The following EMP1 variants were observed in gnomAD, a reference collection of about 807,000 sequenced individuals.
The protein encoded by EMP1 is tumor-associated membrane protein.
In EMP1, 5 loss-of-function variants were observed where a neutral mutation model predicts 15.7. The ratio of observed to expected loss-of-function variants is 0.32; its 90% CI spans 0.17 to 0.67. The LOEUF (loss-of-function observed/expected upper bound fraction) is 0.67. Among genes scored for constraint, EMP1 ranks in the 30% least tolerant of loss-of-function variants. EMP1 has a pLI of 0.74. For missense variants in EMP1, 166 were observed against 194.2 expected, an observed-to-expected ratio of 0.85 and a Z score of 0.86; for synonymous variants, 78 against 76.7, an observed-to-expected ratio of 1.02 and a Z score of -0.09.
rs76165030 is a variant in EMP1, at chr12:13,208,353, A to C, written c.-42-3116A>C. ...GACATTTACCCATTAGTTACCACTA[A>C]TGGCTTTTTCATAAAGACCTCAGTG... On this transcript the variant is annotated intron_variant, in intron 1 of 4. Transcript: ENST00000256951. 2.6e-3 allele frequency among the ~76,000 whole-genome samples: 403 copies of C among 152,268 alleles called. 8 individuals carry two copies. The highest frequency in any genetic ancestry group is 1.2e-3 in the Non-Finnish European group (82 of 68,016).
rs1396404945 is a variant in EMP1, at chr12:13,217,746, T to A, written c.*3055T>A. On this transcript the variant is annotated 3_prime_UTR_variant, in exon 5 of 5. Transcript: ENST00000256951. Reference sequence around the variant, plus strand: ...TCTCCTCAAAAGCCTGGATGGTGAATGGGGGTGCATTAGTCAGAATTCTCC... The same window carrying A: ...TCTCCTCAAAAGCCTGGATGGTGAAAGGGGGTGCATTAGTCAGAATTCTCC... The A allele has an allele frequency of 6.6e-6, 1 of 152,140 alleles. No homozygotes were observed. Among genetic ancestry groups the A allele is most frequent in the Non-Finnish European group, 1.5e-5 (1 of 68,038 alleles). The allele number at this position is 152,140 out of a possible 1,614,324, so 9.4% of individuals were successfully genotyped here. A position where few individuals can be genotyped will look rare whatever the true frequency, so the allele number is the denominator to read the frequency against.
chr12:13,199,425 C>A (rs964395351), intron 1 of EMP1: 1 of 152,266 alleles, frequency 6.6e-6, no homozygotes, highest in Non-Finnish European at 1.5e-5. Flanking sequence ...GAGAGAGACA[C>A]GTTGAAGACC....
chr12:13,213,298 C>A (rs987629133), intron 2 of EMP1, 181 bp from the exon 3 acceptor site: 1 of 623,128 alleles, frequency 1.6e-6, no homozygotes, highest in Non-Finnish European at 2.8e-6. Context: ...CTCTTGGCAA[C>A]TTTGTGAACT....
rs1428474302 is a variant in EMP1, at chr12:13,217,415, A to G, written c.*2724A>G. 6.6e-6 allele frequency: 1 copy of G among 152,244 alleles called. No individual in the cohort carries two copies. The highest frequency in any genetic ancestry group is 2.4e-5 in the African/African-American group (1 of 41,458). 9.4% of individuals were successfully genotyped at this position (152,244 alleles called of 1,614,324 possible). A position where few individuals can be genotyped will look rare whatever the true frequency, so the allele number is the denominator to read the frequency against. On this transcript the variant is annotated 3_prime_UTR_variant, in exon 5 of 5. Transcript: ENST00000256951. ...AATAGTTGCACAGAGTATTGCACCA[A>G]AAATACACAATGGAGGCTGAAAAGT...
At position 13,211,475 on chromosome 12, in the gene EMP1, CTT is replaced by C. The variant is rs1864163720; in HGVS notation, c.-34_-33del. 6.2e-7 allele frequency: 1 copy of C among 1,606,128 alleles called. No individual in the cohort carries two copies. Among genetic ancestry groups the C allele is most frequent in the African/African-American group, 1.3e-5 (1 of 74,382 alleles). The stretch of plus-strand genomic sequence containing the variant: ...CCTTTCTTTTTCTTTTCAGAACTCT[CTT>C]TGCTCACAAGTTACCAAAAAAAAAA... On this transcript the variant is annotated 5_prime_UTR_variant, in exon 2 of 5. Transcript: ENST00000256951. This position sits in a 1 kb window ranked among gnomAD's most constrained non-coding sequence, Gnocchi z 4.7.
intron 1 of EMP1, among the ~76,000 whole-genome samples, chr12:13,205,912 G>A (rs539824293): frequency 1.7e-4 from 26 of 152,316 alleles, no homozygotes; most frequent in South Asian, 1.0e-3. Context: ...CTTGAGGTGC[G>A]TGGAGCCTCT....
chr12:13,200,156 C>T (rs1281698677), intron 1 of EMP1, among the ~76,000 whole-genome samples: 1 of 152,112 alleles, frequency 6.6e-6, no homozygotes, highest in Non-Finnish European at 1.5e-5. Flanking sequence ...AAGCTCAGGC[C>T]TATTTGGGAC....
chr12:13,206,014 G>A (rs1864108060), intron 1 of EMP1, among the ~76,000 whole-genome samples: 1 of 152,164 alleles, frequency 6.6e-6, no homozygotes, highest in African/African-American at 2.4e-5. Flanking sequence ...CAGGGTAGAA[G>A]ATATGTTAGA....
Position 13,214,956 on chromosome 12 carries a change from A to C in EMP1, c.*265A>C. On this transcript the variant is annotated 3_prime_UTR_variant, in exon 5 of 5. Transcript: ENST00000256951. ...CCTGCAGCCACCAGACTTGGCCTCCAGCTGTTCTTAGTGACACACACTGTC... is the reference window on the plus strand; with the variant it reads ...CCTGCAGCCACCAGACTTGGCCTCCCGCTGTTCTTAGTGACACACACTGTC... 2.5e-6 allele frequency: 1 copy of C among 407,422 alleles called. No homozygotes were observed. Among genetic ancestry groups the C allele is most frequent in the Admixed American group, 3.6e-5 (1 of 27,428 alleles). The allele number at this position is 407,422 out of a possible 1,614,324, so 25.2% of individuals were successfully genotyped here. A position where few individuals can be genotyped will look rare whatever the true frequency, so the allele number is the denominator to read the frequency against.
At chr12:13,210,531 A>G (rs1433393729) in intron 1 of EMP1, among the ~76,000 whole-genome samples, 2 of 152,190 alleles carry the variant, frequency 1.3e-5, no homozygotes, top group Non-Finnish European at 2.9e-5. Context: ...TTGTTTATCC[A>G]TGCACATTCT....
At position 13,216,513 on chromosome 12, in the gene EMP1, T is replaced by A. The variant is rs1465692903; in HGVS notation, c.*1822T>A. ...GCTGTCTTAGTGCAAAAAACATACT[T>A]ACATTTCAGACATATCCAAAGGGAA... On this transcript the variant is annotated 3_prime_UTR_variant, in exon 5 of 5. Coordinates refer to ENST00000256951, the MANE Select transcript of EMP1 (RefSeq NM_001423.3). 6 of 699,628 alleles carry A rather than the reference T, an allele frequency of 8.6e-6. No individual in the cohort carries two copies. In the Admixed American group the frequency reaches 1.2e-4, roughly 14 times the overall value. The allele number at this position is 699,628 out of a possible 1,614,324, so 43.3% of individuals were successfully genotyped here.
chr12:13,207,373 T>A (rs1214242681), intron 1 of EMP1, among the ~76,000 whole-genome samples: 1 of 152,182 alleles, frequency 6.6e-6, no homozygotes, highest in African/African-American at 2.4e-5. Context: ...TATTAGCTAT[T>A]CTGTTAGCTA....
chr12:13,203,265 T>C (rs538903461), intron 1 of EMP1, among the ~76,000 whole-genome samples: 1 of 152,208 alleles, frequency 6.6e-6, no homozygotes, highest in Non-Finnish European at 1.5e-5. Context: ...TTGAAGACAT[T>C]CTGGCTGCCA....
At position 13,211,843 on chromosome 12, in the gene EMP1, T is replaced by G; in HGVS notation, c.78+255T>G. Reference sequence around the variant, plus strand: ...AGGATCTAGTGCAGCTTCTTCGGTCTCTAGAAGAGCCTTCCCAGCAGCAGG... The same window carrying G: ...AGGATCTAGTGCAGCTTCTTCGGTCGCTAGAAGAGCCTTCCCAGCAGCAGG... On this transcript the variant is annotated intron_variant, in intron 2 of 4. Transcript: ENST00000256951. The surrounding 1 kb of genome is among the most constrained non-coding windows in gnomAD (Gnocchi z 4.7). The G allele has an allele frequency of 2.1e-6, 1 of 481,328 alleles. No homozygotes were observed. Among genetic ancestry groups the G allele is most frequent in the Non-Finnish European group, 3.7e-6 (1 of 269,844 alleles). The allele number at this position is 481,328 out of a possible 1,614,324, so 29.8% of individuals were successfully genotyped here.
At chr12:13,207,275 C>T (rs553620148) in intron 1 of EMP1, among the ~76,000 whole-genome samples, 1 of 152,092 alleles carries the variant, frequency 6.6e-6, no homozygotes, top group African/African-American at 2.4e-5. Flanking sequence ...CCACGCCCGG[C>T]TAATTTCTTG....
chr12:13,210,537 A>G (rs183232001), intron 1 of EMP1, among the ~76,000 whole-genome samples: 1 of 152,288 alleles, frequency 6.6e-6, no homozygotes, highest in East Asian at 1.9e-4. Flanking sequence ...ATCCATGCAC[A>G]TTCTTAATCG....
Position 13,216,409 on chromosome 12 carries a change from G to C in EMP1, c.*1718G>C. 1 of 702,462 alleles carries C rather than the reference G, an allele frequency of 1.4e-6. No homozygotes were observed. Among genetic ancestry groups the C allele is most frequent in the South Asian group, 1.5e-5 (1 of 67,580 alleles). 43.5% of individuals were successfully genotyped at this position (702,462 alleles called of 1,614,324 possible). A position where few individuals can be genotyped will look rare whatever the true frequency, so the allele number is the denominator to read the frequency against. ...CAAGCCACCAAATTACCTAGGCTGA[G>C]GTTAGAGAGATTGGCCAGCAAAAAC... is the stretch of plus-strand genomic sequence containing the variant. On this transcript the variant is annotated 3_prime_UTR_variant, in exon 5 of 5. Transcript: ENST00000256951.
chr12:13,206,927 TTG>T (rs58176335), intron 1 of EMP1, among the ~76,000 whole-genome samples: 6,244 of 149,080 alleles, frequency 0.042, 135 homozygotes, highest in Middle Eastern at 0.059. Flanking sequence ...ATTCTTTCAT[TTG>T]TGTGTGTGTG....
chr12:13,208,474 C>G (rs1008708363), intron 1 of EMP1, among the ~76,000 whole-genome samples: 1 of 152,148 alleles, frequency 6.6e-6, no homozygotes, highest in Non-Finnish European at 1.5e-5. Flanking sequence ...CCCAGAAACT[C>G]AAGAAGATAA....
Sources: allele counts gnomAD v4.1 joint callset (sites outside exome capture counted in the v4.1 genomes callset), GRCh38; gene constraint gnomAD v4.1.1; non-coding constraint Gnocchi (gnomAD v3.1); transcripts MANE v1.5; gene names NCBI Gene and HGNC (gene_info 2026-07-23, HGNC 2026-07-21).